BDNF: variants seen among roughly 807,000 people sequenced by gnomAD.
The protein encoded by BDNF is brain derived neurotrophic factor.
Under a neutral mutation model 19.5 loss-of-function variants are expected in BDNF, and 1 was observed. The observed-to-expected ratio is 0.05, with a 90% CI of 0.02 to 0.24. The LOEUF (loss-of-function observed/expected upper bound fraction) is 0.24. Among genes scored for constraint, BDNF ranks in the 10% least tolerant of loss-of-function variants. The pLI, the probability that BDNF is intolerant of heterozygous loss-of-function variation, is 1.00. For missense variants in BDNF, 195 were observed against 317.6 expected, an observed-to-expected ratio of 0.61 and a Z score of 2.93; for synonymous variants, 100 against 121.6, an observed-to-expected ratio of 0.82 and a Z score of 1.17.
In BDNF at chr11:27,659,196, AAG is replaced by A. The variant is rs1221578518; in HGVS notation, c.-21-613_-21-612del. 3.0e-6 allele frequency: 3 copies of A among 999,028 alleles called. No homozygotes were observed. In the South Asian group the frequency reaches 1.4e-4, roughly 47 times the overall value. 61.9% of individuals were successfully genotyped at this position (999,028 alleles called of 1,614,324 possible). ...AGATACTCTATTATAGCAAAGAAGA[AAG>A]ATAATTTCATTGAGCCATCCTGTTT... On this transcript the variant is annotated intron_variant, in intron 1 of 1. Transcript: ENST00000356660.
rs1402153866 is a variant in BDNF, at chr11:27,720,325, G to T, written c.3+1087C>A. On this transcript the variant is annotated intron_variant, in intron 1 of 1. Coordinates refer to the BDNF transcript ENST00000314915. Reference sequence around the variant, plus strand: ...TAGCTCAAGAATTGGGGATGCAAGGGGTCCCCGCCCTGGTGCTTACCTTCT... The same window carrying T: ...TAGCTCAAGAATTGGGGATGCAAGGTGTCCCCGCCCTGGTGCTTACCTTCT... 3.0e-6 allele frequency: 3 copies of T among 985,762 alleles called. No individual in the cohort carries two copies. In the South Asian group the frequency reaches 1.4e-4, roughly 46 times the overall value. 61.1% of individuals were successfully genotyped at this position (985,762 alleles called of 1,614,324 possible).
rs1479597780 is a variant in BDNF, at chr11:27,658,923, C to T, written c.-21-338G>A. 1.7e-6 allele frequency: 2 copies of T among 1,169,424 alleles called. No homozygotes were observed. 72.4% of individuals were successfully genotyped at this position (1,169,424 alleles called of 1,614,324 possible). A position where few individuals can be genotyped will look rare whatever the true frequency, so the allele number is the denominator to read the frequency against. On this transcript the variant is annotated intron_variant, in intron 1 of 1. Transcript: ENST00000356660. This position sits in a 1 kb window ranked among gnomAD's most constrained non-coding sequence, Gnocchi z 5.7. ...AGTTTAATTTTTAATGATCTCTGCTCATGCTGTCACGAGAAACACAAAATC... is the reference window on the plus strand; with the variant it reads ...AGTTTAATTTTTAATGATCTCTGCTTATGCTGTCACGAGAAACACAAAATC...
At chr11:27,660,692 A>G (rs1564944504) in intron 1 of BDNF, among the ~76,000 whole-genome samples, 2 of 152,024 alleles carry the variant, frequency 1.3e-5, no homozygotes, top group Non-Finnish European at 2.9e-5. Flanking sequence ...CTAAGATACC[A>G]TCATTGTGAA....
chr11:27,713,934 A>G (rs868777314), intron 1 of BDNF, among the ~76,000 whole-genome samples: 14 of 152,324 alleles, frequency 9.2e-5, no homozygotes, highest in South Asian at 8.3e-4. Flanking sequence ...ACTAGACTTT[A>G]AAGATTTTTT....
At chr11:27,679,191 G>T (rs1564966626) in intron 1 of BDNF, among the ~76,000 whole-genome samples, 1 of 152,090 alleles carries the variant, frequency 6.6e-6, no homozygotes, top group Non-Finnish European at 1.5e-5. Context: ...TTGACTTTGG[G>T]CCCCATGTTG....
chr11:27,716,809 AC>A (rs1860531793), intron 1 of BDNF, among the ~76,000 whole-genome samples: 1 of 152,192 alleles, frequency 6.6e-6, no homozygotes, highest in Non-Finnish European at 1.5e-5. Flanking sequence ...GCTCAGTTAG[AC>A]ATCATTTTAA....
chr11:27,715,495 T>C (rs1860477849), intron 1 of BDNF, among the ~76,000 whole-genome samples: 1 of 152,208 alleles, frequency 6.6e-6, no homozygotes, highest in Non-Finnish European at 1.5e-5. Context: ...GAGTCCTGCT[T>C]TCTTTGAGTG....
At chr11:27,709,188 C>A (rs1860231506) in intron 1 of BDNF, among the ~76,000 whole-genome samples, 1 of 152,112 alleles carries the variant, frequency 6.6e-6, no homozygotes, top group Non-Finnish European at 1.5e-5. Context: ...CTGTTGTTTT[C>A]TTGGGGTGGA....
intron 1 of BDNF, among the ~76,000 whole-genome samples, chr11:27,721,195 C>A (rs932175348): frequency 7.2e-5 from 11 of 152,070 alleles, no homozygotes; most frequent in Non-Finnish European, 1.5e-4. Flanking sequence ...CACACACCCC[C>A]CCACCCAGCT....
intron 1 of BDNF, among the ~76,000 whole-genome samples, chr11:27,694,892 A>G (rs1411467700): frequency 6.6e-6 from 1 of 152,154 alleles, no homozygotes; most frequent in South Asian, 2.1e-4. Flanking sequence ...TTTATACTCA[A>G]TGGTTCGGTT....
intron 1 of BDNF, among the ~76,000 whole-genome samples, chr11:27,670,738 T>A (rs1855214455): frequency 6.6e-6 from 1 of 152,068 alleles, no homozygotes; most frequent in African/African-American, 2.4e-5. Flanking sequence ...AGAATGGCGA[T>A]CATTAAAGTC....
At chr11:27,689,444 C>G (rs1857956811) in intron 1 of BDNF, among the ~76,000 whole-genome samples, 1 of 152,206 alleles carries the variant, frequency 6.6e-6, no homozygotes, top group African/African-American at 2.4e-5. Flanking sequence ...GAATACCACA[C>G]ATTTGGACAA....
intron 1 of BDNF, among the ~76,000 whole-genome samples, chr11:27,660,558 C>T (rs1853300882): frequency 6.6e-6 from 1 of 152,114 alleles, no homozygotes; most frequent in Non-Finnish European, 1.5e-5. Context: ...ATAAAAACAA[C>T]CCAAGGGGCA....
chr11:27,660,159 C>T, intron 1 of BDNF: 3 of 1,133,718 alleles, frequency 2.6e-6, no homozygotes, highest in Non-Finnish European at 3.3e-6. Flanking sequence ...AACCTACCTC[C>T]AGTCAATAGG....
chr11:27,666,944 A>G (rs1304974258), intron 1 of BDNF, among the ~76,000 whole-genome samples: 1 of 152,182 alleles, frequency 6.6e-6, no homozygotes, highest in Non-Finnish European at 1.5e-5. Flanking sequence ...CCTCAAGAAG[A>G]GTAACTCAAA....
intron 1 of BDNF, among the ~76,000 whole-genome samples, chr11:27,709,390 T>G (rs1188699370): frequency 6.6e-6 from 1 of 151,902 alleles, no homozygotes; most frequent in East Asian, 1.9e-4. Context: ...AAGTATAAAG[T>G]ATAATTAGTT....
At chr11:27,672,604 G>GCAA (rs1169198929) in intron 1 of BDNF, among the ~76,000 whole-genome samples, 2 of 152,102 alleles carry the variant, frequency 1.3e-5, no homozygotes, top group Admixed American at 6.5e-5. Context: ...AGCAGCAGCA[G>GCAA]CAACAACAAC....
Position 27,674,593 on chromosome 11 carries a change from A to G in BDNF, c.-21-16008T>C, listed in dbSNP as rs1855839495. The stretch of plus-strand genomic sequence containing the variant: ...GAAAATATTAACATCTTAGATGACA[A>G]AAGATCCATATGGCTGGCCAGAAAA... On this transcript the variant is annotated intron_variant, in intron 1 of 1. Coordinates refer to ENST00000356660, the MANE Select transcript of BDNF (RefSeq NM_001709.5). 5.1e-6 allele frequency: 5 copies of G among 985,102 alleles called. No homozygotes were observed. In the South Asian group the frequency reaches 2.3e-4, roughly 46 times the overall value. The allele number at this position is 985,102 out of a possible 1,614,324, so 61.0% of individuals were successfully genotyped here.
intron 1 of BDNF, among the ~76,000 whole-genome samples, chr11:27,714,498 A>G (rs1860444695): frequency 6.6e-6 from 1 of 152,194 alleles, no homozygotes; most frequent in South Asian, 2.1e-4. Context: ...ACCTGCTTTT[A>G]AAAATAATCC....
Sources: allele counts gnomAD v4.1 joint callset (sites outside exome capture counted in the v4.1 genomes callset), GRCh38; gene constraint gnomAD v4.1.1; non-coding constraint Gnocchi (gnomAD v3.1); transcripts MANE v1.5; gene names NCBI Gene and HGNC (gene_info 2026-07-23, HGNC 2026-07-21).